Variants in TFDP2 observed in about 807,000 individuals in gnomAD.
TFDP2 encodes transcription factor Dp-2.
In TFDP2, 17 loss-of-function variants were observed where a neutral mutation model predicts 59.3. That is an observed-to-expected ratio of 0.29 (90% confidence interval 0.20 to 0.43). The LOEUF (loss-of-function observed/expected upper bound fraction) is 0.43, where lower values mean the gene tolerates loss of function less well. TFDP2 is among the 20% of genes least tolerant of loss of function. The probability of loss-of-function intolerance (pLI) is 1.00; values close to 1 mark genes in which losing one functional copy is unlikely to be tolerated. For synonymous variants in TFDP2, 180 were observed against 194.7 expected (o/e 0.92, Z 0.63); for missense variants, 391 against 528.8 (o/e 0.74, Z 2.56).
intron 3 of TFDP2, among the ~76,000 whole-genome samples, chr3:142,008,679 CTACATA>C (rs1336495581): frequency 6.6e-6 from 1 of 151,446 alleles, no homozygotes; most frequent in Non-Finnish European, 1.5e-5. Flanking sequence ...CAGAGGTTTC[CTACATA>C]TACATACATA....
At chr3:142,018,929 G>GTTGT (rs1553778062) in intron 3 of TFDP2, among the ~76,000 whole-genome samples, 1 of 125,226 alleles carries the variant, frequency 8.0e-6, no homozygotes, top group African/African-American at 3.1e-5. Context: ...TTTTTGGTGA[G>GTTGT]TTTTTTTTTT....
chr3:142,000,007 T>C (rs1943628453), intron 4 of TFDP2, among the ~76,000 whole-genome samples: 1 of 152,054 alleles, frequency 6.6e-6, no homozygotes, highest in Non-Finnish European at 1.5e-5. Flanking sequence ...AGTGCTGGGA[T>C]TACAGGCGTG....
chr3:141,965,246 C>T (rs998874970), intron 9 of TFDP2, among the ~76,000 whole-genome samples: 1 of 151,844 alleles, frequency 6.6e-6, no homozygotes, highest in African/African-American at 2.4e-5. Context: ...TCTTGTCACC[C>T]AGTAGTGATA....
rs1576884459 is a variant in TFDP2, at chr3:142,065,155, T to A, written c.82+27906A>T. Among the ~76,000 whole-genome samples the A allele has an allele frequency of 4.9e-3, 11 of 2,256 alleles. No homozygotes were observed. In the South Asian group the frequency reaches 0.09, roughly 18 times the overall value. 1.5% of individuals were successfully genotyped at this position (2,256 alleles called of 152,430 possible). A position where few individuals can be genotyped will look rare whatever the true frequency, so the allele number is the denominator to read the frequency against. On this transcript the variant is annotated intron_variant, in intron 3 of 12. Transcript: ENST00000489671. ...GAATTCTGTTTTCAGATCATTAAGATTTTTTTTTTTTTGAGACAGGGTCTC... is the reference window on the plus strand; with the variant it reads ...GAATTCTGTTTTCAGATCATTAAGAATTTTTTTTTTTTGAGACAGGGTCTC...
At chr3:142,064,743 A>T (rs2060022798) in intron 3 of TFDP2, among the ~76,000 whole-genome samples, 1 of 152,184 alleles carries the variant, frequency 6.6e-6, no homozygotes, top group African/African-American at 2.4e-5. Flanking sequence ...GAAAAAAGGG[A>T]TAATAAGAGT....
chr3:142,098,527 C>T (rs908995971), intron 2 of TFDP2, among the ~76,000 whole-genome samples: 1 of 151,944 alleles, frequency 6.6e-6, no homozygotes, highest in Non-Finnish European at 1.5e-5. Context: ...TGACTCAAAG[C>T]CTGGCCACTT....
At chr3:142,067,856 T>A (rs561482337) in intron 3 of TFDP2, among the ~76,000 whole-genome samples, 1 of 151,926 alleles carries the variant, frequency 6.6e-6, no homozygotes, top group African/African-American at 2.4e-5. Context: ...ATTTAAAAAT[T>A]AGCTGGCCAT....
intron 3 of TFDP2, among the ~76,000 whole-genome samples, chr3:142,032,304 A>G (rs548832419): frequency 5.3e-5 from 8 of 152,144 alleles, no homozygotes; most frequent in East Asian, 3.9e-4. Context: ...GGGTTTTGCT[A>G]TGTTGCCCAG....
intron 1 of TFDP2, among the ~76,000 whole-genome samples, chr3:142,119,774 G>C (rs2061974422): frequency 6.6e-6 from 1 of 152,194 alleles, no homozygotes; most frequent in African/African-American, 2.4e-5. Context: ...AAAGAGACCG[G>C]GTGCAGCGGC....
chr3:141,968,826 CAT>C (rs1200128093), intron 9 of TFDP2, among the ~76,000 whole-genome samples: 3 of 73,248 alleles, frequency 4.1e-5, no homozygotes, highest in South Asian at 3.7e-4. Flanking sequence ...ATATATAACA[CAT>C]ATATATCTCA....
chr3:142,099,595 G>T (rs902889142), intron 2 of TFDP2, among the ~76,000 whole-genome samples: 1 of 151,890 alleles, frequency 6.6e-6, no homozygotes, highest in Non-Finnish European at 1.5e-5. Flanking sequence ...AGCTACTTGG[G>T]AGGCTGAGGC....
At chr3:142,022,616 C>T (rs1452249985) in intron 3 of TFDP2, among the ~76,000 whole-genome samples, 1 of 152,164 alleles carries the variant, frequency 6.6e-6, no homozygotes, top group Non-Finnish European at 1.5e-5. Context: ...TTGATCAAGA[C>T]AGCTGAGTGC....
chr3:142,062,094 C>A (rs1298571230), intron 3 of TFDP2, among the ~76,000 whole-genome samples: 1 of 151,856 alleles, frequency 6.6e-6, no homozygotes, highest in Non-Finnish European at 1.5e-5. Flanking sequence ...AGGATGAAGA[C>A]CTTTATGACA....
At chr3:142,081,696 G>T (rs1160888084) in intron 3 of TFDP2, among the ~76,000 whole-genome samples, 1 of 152,082 alleles carries the variant, frequency 6.6e-6, no homozygotes, top group Non-Finnish European at 1.5e-5. Flanking sequence ...GGAGCAACAT[G>T]GCTACTATAT....
At chr3:142,042,142 T>TA (rs1486533664) in intron 3 of TFDP2, among the ~76,000 whole-genome samples, 7 of 152,250 alleles carry the variant, frequency 4.6e-5, no homozygotes, top group African/African-American at 1.7e-4. Flanking sequence ...TTTAAACTTA[T>TA]ATGTTAACAT....
chr3:141,997,914 T>C (rs1319169084), intron 4 of TFDP2, among the ~76,000 whole-genome samples: 1 of 141,364 alleles, frequency 7.1e-6, no homozygotes, highest in African/African-American at 2.6e-5. Context: ...AAAGAGGACA[T>C]AGAGAAAAAC....
chr3:142,028,582 G>T, intron 3 of TFDP2: 1 of 985,318 alleles, frequency 1.0e-6, no homozygotes, highest in Non-Finnish European at 1.2e-6. Context: ...CTCTTACCTG[G>T]TCTAAGGAAG....
chr3:141,944,800 A>G lies in TFDP2; in HGVS notation c.*7713T>C, dbSNP rs1266861213. The stretch of plus-strand genomic sequence containing the variant: ...GAAAATCAGGAGTAATTACGTATAC[A>G]GAAATAGCTCTTCTATAAAATTTCC... On this transcript the variant is annotated 3_prime_UTR_variant, in exon 13 of 13. Coordinates refer to ENST00000489671, the MANE Select transcript of TFDP2 (RefSeq NM_001178139.2). The G allele has an allele frequency of 6.6e-6, 1 of 152,250 alleles. No individual in the cohort carries two copies. Among genetic ancestry groups the G allele is most frequent in the Admixed American group, 6.5e-5 (1 of 15,288 alleles). 9.4% of individuals were successfully genotyped at this position (152,250 alleles called of 1,614,324 possible).
chr3:141,971,862 T>C (rs1374022881), intron 8 of TFDP2, among the ~76,000 whole-genome samples: 1 of 152,252 alleles, frequency 6.6e-6, no homozygotes. Flanking sequence ...TTTAAAACAC[T>C]GAAGAATGTT....
Sources: allele counts gnomAD v4.1 joint callset (sites outside exome capture counted in the v4.1 genomes callset), GRCh38; gene constraint gnomAD v4.1.1; transcripts MANE v1.5; gene names NCBI Gene and HGNC (gene_info 2026-07-23, HGNC 2026-07-21).